The following CUX1 variants were observed in gnomAD, a reference collection of about 807,000 sequenced individuals.
CUX1 encodes protein CASP.
CUX1 carries 31 observed loss-of-function variants against 158.8 expected under a neutral mutation model. That is an observed-to-expected ratio of 0.20 (90% CI 0.15 to 0.26). The LOEUF (loss-of-function observed/expected upper bound fraction) is 0.26, where lower values mean the gene tolerates loss of function less well. CUX1 is among the 10% of genes least tolerant of loss of function. The pLI is 1.00. For missense variants in CUX1, 1,589 were observed against 2,014.6 expected, an observed-to-expected ratio of 0.79 and a Z score of 4.04; for synonymous variants, 879 against 862.1, an observed-to-expected ratio of 1.02 and a Z score of -0.34.
At chr7:102,048,722 G>A (rs532468040) in intron 3 of CUX1, among the ~76,000 whole-genome samples, 47 of 152,232 alleles carry the variant, frequency 3.1e-4, no homozygotes, top group African/African-American at 1.0e-3. Context: ...CCAGCTACTC[G>A]AGAGGCTGAG....
intron 2 of CUX1, among the ~76,000 whole-genome samples, chr7:101,947,789 G>A (rs1428542651): frequency 6.6e-6 from 1 of 152,130 alleles, no homozygotes; most frequent in South Asian, 2.1e-4. Context: ...AGACAAAAAT[G>A]ACTTACTTAG....
intron 3 of CUX1, among the ~76,000 whole-genome samples, chr7:102,064,989 TGGCTGCAGCAGGGAAGTCACA>T (rs1205752402): frequency 6.6e-6 from 1 of 152,166 alleles, no homozygotes. Flanking sequence ...AGGAAGTCAC[TGGCTGCAGCAGGGAAGTCACA>T]CAAAGGGACA....
intron 17 of CUX1, among the ~76,000 whole-genome samples, chr7:102,200,667 A>G (rs1554519380): frequency 6.6e-6 from 1 of 151,904 alleles, no homozygotes; most frequent in African/African-American, 2.4e-5. Flanking sequence ...CACAGAAATT[A>G]CGCTCCTTAA....
intron 1 of CUX1, among the ~76,000 whole-genome samples, chr7:101,901,679 G>T (rs763229934): frequency 6.6e-6 from 1 of 152,178 alleles, no homozygotes; most frequent in Admixed American, 6.5e-5. Context: ...CCCCCAAAGC[G>T]TATATGTCCC....
intron 4 of CUX1, among the ~76,000 whole-genome samples, chr7:102,073,165 C>T (rs201873773): frequency 1.1e-3 from 74 of 66,878 alleles, no homozygotes; most frequent in East Asian, 2.5e-3. Context: ...TCTTTTCTTT[C>T]TTTTTTTTTT....
intron 2 of CUX1, among the ~76,000 whole-genome samples, chr7:101,937,204 C>T (rs967320610): frequency 1.3e-5 from 2 of 152,110 alleles, no homozygotes; most frequent in African/African-American, 2.4e-5. Flanking sequence ...GACCCTGTAC[C>T]GGGATGTCAG....
intron 8 of CUX1, among the ~76,000 whole-genome samples, chr7:102,126,768 A>G (rs781879467): frequency 1.4e-4 from 22 of 152,326 alleles, no homozygotes; most frequent in Non-Finnish European, 2.1e-4. Context: ...GCGGTTCAGG[A>G]TGATTCAAGC....
At chr7:102,242,276 A>G (rs537391718) in intron 23 of CUX1, among the ~76,000 whole-genome samples, 1 of 136,504 alleles carries the variant, frequency 7.3e-6, no homozygotes, top group South Asian at 2.3e-4. Context: ...CAGCAGCACG[A>G]TCTCGGCTCA....
chr7:102,132,319 G>A (rs868958698), intron 8 of CUX1, among the ~76,000 whole-genome samples: 320 of 782 alleles, frequency 0.41, 4 homozygotes, highest in Middle Eastern at 0.5. Context: ...GCGCGCGCGC[G>A]CGCGCACGCC....
At chr7:102,133,148 A>G (rs1260209807) in intron 8 of CUX1, among the ~76,000 whole-genome samples, 2 of 152,060 alleles carry the variant, frequency 1.3e-5, no homozygotes, top group African/African-American at 2.4e-5. Context: ...ACCCTCTCTC[A>G]TATCTAAGGG....
intron 3 of CUX1, among the ~76,000 whole-genome samples, chr7:102,061,036 T>G (rs1250159605): frequency 6.7e-6 from 1 of 148,916 alleles, no homozygotes; most frequent in East Asian, 2.0e-4. Flanking sequence ...GTGATTCTCC[T>G]GCCCCAGCCT....
At chr7:101,974,000 C>T (rs1039885631) in intron 2 of CUX1, among the ~76,000 whole-genome samples, 15 of 151,710 alleles carry the variant, frequency 9.9e-5, no homozygotes, top group South Asian at 2.1e-4. Flanking sequence ...GAACTCCTGA[C>T]CTCGTGATCC....
Position 102,192,466 on chromosome 7 carries a change from G to T in CUX1, c.1077-1376G>T, listed in dbSNP as rs550130180. Among the ~76,000 whole-genome samples, 241 of 152,282 alleles carry T rather than the reference G, an allele frequency of 1.6e-3. 1 individual carries two copies. Among genetic ancestry groups the T allele is most frequent in the Non-Finnish European group, 3.0e-3 (202 of 68,022 alleles). Reference sequence around the variant, plus strand: ...TAAAGATCTGTAGAATAGATAAAGAGCCACGTGGTCTTTTATTACATAATC... The same window carrying T: ...TAAAGATCTGTAGAATAGATAAAGATCCACGTGGTCTTTTATTACATAATC... On this transcript the variant is annotated intron_variant, in intron 12 of 23. Coordinates refer to ENST00000292535, the MANE Select transcript of CUX1 (RefSeq NM_181552.4).
chr7:102,008,797 G>T (rs1344968750), intron 2 of CUX1, among the ~76,000 whole-genome samples: 1 of 152,162 alleles, frequency 6.6e-6, no homozygotes, highest in Admixed American at 6.5e-5. Flanking sequence ...TTCAGGAGGC[G>T]AGACCACAGC....
chr7:101,868,089 C>G (rs1562946861), intron 1 of CUX1, among the ~76,000 whole-genome samples: 1 of 152,200 alleles, frequency 6.6e-6, no homozygotes, highest in East Asian at 1.9e-4. Flanking sequence ...TCAAGCGATC[C>G]TCTTGCCTTC....
intron 5 of CUX1, among the ~76,000 whole-genome samples, chr7:102,099,479 T>G (rs1455539898): frequency 5.1e-4 from 76 of 149,498 alleles, no homozygotes; most frequent in African/African-American, 1.8e-3. Context: ...ATCCTGGTTT[T>G]TTTTTTTTTT....
intron 1 of CUX1, among the ~76,000 whole-genome samples, chr7:101,840,053 C>A (rs1050882909): frequency 2.0e-5 from 3 of 152,164 alleles, no homozygotes; most frequent in African/African-American, 7.2e-5. Flanking sequence ...TAAGCCACCA[C>A]GCTGGCCGTT....
intron 2 of CUX1, among the ~76,000 whole-genome samples, chr7:101,943,078 C>CTTTTTTTTTTT (rs58332486): frequency 1.2e-5 from 1 of 80,330 alleles, no homozygotes; most frequent in Admixed American, 1.5e-4. Flanking sequence ...CTGGTCAGTG[C>CTTTTTTTTTTT]TTTTTTTTTT....
chr7:102,216,679 ACACT>A (rs1554524897), intron 20 of CUX1, among the ~76,000 whole-genome samples: 1 of 30,684 alleles, frequency 3.3e-5, no homozygotes, highest in Non-Finnish European at 8.2e-5. Flanking sequence ...TCACACACAC[ACACT>A]CCCCCACACA....
Sources: allele counts gnomAD v4.1 joint callset (sites outside exome capture counted in the v4.1 genomes callset), GRCh38; gene constraint gnomAD v4.1.1; transcripts MANE v1.5; gene names NCBI Gene and HGNC (gene_info 2026-07-23, HGNC 2026-07-21).